Variants in SV2C observed in about 807,000 individuals in gnomAD.
SV2C encodes solute carrier family 22 member B3.
SV2C carries 49 observed loss-of-function variants against 79.7 expected under a neutral mutation model. The ratio of observed to expected loss-of-function variants is 0.61; its 90% CI spans 0.49 to 0.78. The LOEUF (loss-of-function observed/expected upper bound fraction) is 0.78, where lower values mean the gene tolerates loss of function less well. SV2C is among the 30% of genes least tolerant of loss of function. The probability of loss-of-function intolerance (pLI) is 0.00; values close to 1 mark genes in which losing one functional copy is unlikely to be tolerated. For synonymous variants in SV2C, 334 were observed against 333.2 expected, an observed-to-expected ratio of 1.00 and a Z score of -0.03; for missense variants, 833 against 912.9, an observed-to-expected ratio of 0.91 and a Z score of 1.13.
the SV2C span, among the ~76,000 whole-genome samples, chr5:75,850,070 A>G: frequency 6.6e-6 from 1 of 152,138 alleles, no homozygotes; most frequent in South Asian, 2.1e-4. Flanking sequence ...ATGCTGTTTA[A>G]TTCTGTTTTC....
chr5:75,926,839 C>G, the SV2C span, among the ~76,000 whole-genome samples: 2 of 152,108 alleles, frequency 1.3e-5, no homozygotes, highest in Non-Finnish European at 2.9e-5. Flanking sequence ...AATTCCCGTT[C>G]CTTTTAATCT....
At chr5:76,193,013 C>A (rs1318242512) in intron 2 of SV2C, among the ~76,000 whole-genome samples, 1 of 152,158 alleles carries the variant, frequency 6.6e-6, no homozygotes, top group Admixed American at 6.5e-5. Flanking sequence ...ACCTTCTGCC[C>A]CTCTGCTCCT....
chr5:76,277,750 T>A (rs917635926), intron 4 of SV2C, among the ~76,000 whole-genome samples: 2 of 147,338 alleles, frequency 1.4e-5, no homozygotes, highest in African/African-American at 5.2e-5. Flanking sequence ...CTAGGAGACC[T>A]GTCTCAAAAA....
chr5:76,259,052 T>G (rs1260733133), intron 4 of SV2C, among the ~76,000 whole-genome samples: 1 of 152,222 alleles, frequency 6.6e-6, no homozygotes, highest in Admixed American at 6.5e-5. Flanking sequence ...CTTCTCCTAT[T>G]GGGGGACATT....
At chr5:76,242,620 C>G (rs563304199) in intron 4 of SV2C, among the ~76,000 whole-genome samples, 2 of 152,096 alleles carry the variant, frequency 1.3e-5, no homozygotes, top group Admixed American at 1.3e-4. Flanking sequence ...CAAAATGCTG[C>G]GAGGTCACAC....
the SV2C span, among the ~76,000 whole-genome samples, chr5:75,918,028 A>C: frequency 6.6e-6 from 1 of 152,226 alleles, no homozygotes; most frequent in Non-Finnish European, 1.5e-5. Context: ...TGAAGATATT[A>C]TTATACTATA....
the SV2C span, among the ~76,000 whole-genome samples, chr5:75,953,071 A>T: frequency 1.3e-5 from 2 of 152,124 alleles, no homozygotes; most frequent in South Asian, 4.1e-4. Flanking sequence ...TGACTGGAAG[A>T]CTTAGCATCT....
At chr5:75,990,967 G>T in the SV2C span, among the ~76,000 whole-genome samples, 1 of 151,828 alleles carries the variant, frequency 6.6e-6, no homozygotes, top group Non-Finnish European at 1.5e-5. Flanking sequence ...ATTGCCTATC[G>T]TCAGGCCTGA....
At chr5:75,937,504 C>T in the SV2C span, among the ~76,000 whole-genome samples, 9 of 152,102 alleles carry the variant, frequency 5.9e-5, no homozygotes, top group African/African-American at 2.2e-4. Context: ...AGTTTGAGAC[C>T]AGCCTGGGCA....
chr5:76,242,864 A>C (rs80286446), intron 4 of SV2C, among the ~76,000 whole-genome samples: 17,393 of 151,612 alleles, frequency 0.11, 1,118 homozygotes, highest in Middle Eastern at 0.16. Context: ...AAGACCCCAT[A>C]TCTACAAAAA....
intron 12 of SV2C, among the ~76,000 whole-genome samples, chr5:76,341,441 C>G (rs1749439588): frequency 6.6e-6 from 1 of 152,266 alleles, no homozygotes; most frequent in African/African-American, 2.4e-5. Flanking sequence ...CCACTTAGCA[C>G]TTGGGAAGGG....
At chr5:76,074,732 C>T in the SV2C span, among the ~76,000 whole-genome samples, 2 of 152,206 alleles carry the variant, frequency 1.3e-5, no homozygotes, top group African/African-American at 4.8e-5. Flanking sequence ...CTTTCTCTGA[C>T]CCTGCCTGGG....
the SV2C span, among the ~76,000 whole-genome samples, chr5:76,002,419 A>G: frequency 6.6e-6 from 1 of 152,086 alleles, no homozygotes; most frequent in East Asian, 1.9e-4. Context: ...TGCAGGGAGG[A>G]AGAAGAGGCA....
At chr5:76,049,033 AGAGG>A in the SV2C span, among the ~76,000 whole-genome samples, 2 of 116,216 alleles carry the variant, frequency 1.7e-5, no homozygotes, top group African/African-American at 3.2e-5. Context: ...GAAAAAGAAA[AGAGG>A]GAGGGAGGGG....
intron 2 of SV2C, among the ~76,000 whole-genome samples, chr5:76,147,314 C>T (rs1749467976): frequency 8.0e-6 from 1 of 125,502 alleles, no homozygotes; most frequent in African/African-American, 2.6e-5. Context: ...AGGGAGGGCT[C>T]ACTCTTCCTG....
chr5:75,951,532 C>T, the SV2C span, among the ~76,000 whole-genome samples: 5,326 of 152,070 alleles, frequency 0.035, 238 homozygotes, highest in African/African-American at 0.11. Flanking sequence ...TCTCCCATGC[C>T]AAGGAACTCC....
chr5:75,883,604 G>T, the SV2C span, among the ~76,000 whole-genome samples: 2 of 144,114 alleles, frequency 1.4e-5, no homozygotes, highest in African/African-American at 2.7e-5. Context: ...ACCCAACACC[G>T]CATATTCTCA....
upstream of SV2C, chr5:76,083,323 G>C (rs1220023051): frequency 2.0e-5 from 3 of 152,256 alleles, no homozygotes; most frequent in African/African-American, 7.3e-5. Context: ...GGACCGCAGC[G>C]TGCAAGCCGG....
intron 1 of SV2C, among the ~76,000 whole-genome samples, chr5:76,121,947 A>G (rs2112163481): frequency 6.6e-6 from 1 of 152,232 alleles, no homozygotes; most frequent in East Asian, 1.9e-4. Context: ...TTGAATCTAT[A>G]AATTACCTTG....
Sources: gnomAD v4.1 joint callset for allele counts (sites outside exome capture counted in the v4.1 genomes callset) on GRCh38, gnomAD v4.1.1 for gene constraint, MANE v1.5 for transcripts, NCBI Gene and HGNC (gene_info 2026-07-23, HGNC 2026-07-21) for gene names.